Variants in SPOCK1 observed in about 807,000 individuals in gnomAD.
The protein encoded by SPOCK1 is testican-1.
In SPOCK1, 23 loss-of-function variants were observed where a neutral mutation model predicts 55.3. The observed-to-expected ratio is 0.42, with a 90% CI of 0.30 to 0.59. The LOEUF (loss-of-function observed/expected upper bound fraction) is 0.59. SPOCK1 is among the 20% of genes least tolerant of loss of function. The probability of loss-of-function intolerance (pLI) is 0.22; values close to 1 mark genes in which losing one functional copy is unlikely to be tolerated. For missense variants in SPOCK1, 499 were observed against 552.5 expected (o/e 0.90, Z 0.97); for synonymous variants, 226 against 221.0 (o/e 1.02, Z -0.20).
At chr5:136,988,347 T>C in intron 8 of SPOCK1, 75 bp downstream of exon 8, 3 of 1,171,504 alleles carry the variant, frequency 2.6e-6, no homozygotes, top group Non-Finnish European at 3.7e-6. Flanking sequence ...GCCCAATTCA[T>C]AGTCATACGC....
rs142758797 is a variant in SPOCK1 at position 137,011,983 on chromosome 5, T to C, written c.590-19383A>G. ...ACACCTACTCTTGCCAATACCCATG[T>C]TAGCACTTTGCCTTCATTTATTTCT... On this transcript the variant is annotated intron_variant, in intron 6 of 10. Coordinates refer to ENST00000394945, the MANE Select transcript of SPOCK1 (RefSeq NM_004598.4). Among the ~76,000 whole-genome samples, 11 of 152,316 alleles carry C rather than the reference T, an allele frequency of 7.2e-5. 1 individual carries two copies. The East Asian group carries it at 2.1e-3, about 29-fold the overall frequency.
chr5:137,356,976 C>T (rs1163775802), intron 2 of SPOCK1, among the ~76,000 whole-genome samples: 1 of 150,192 alleles, frequency 6.7e-6, no homozygotes, highest in Non-Finnish European at 1.5e-5. Flanking sequence ...AGGGCACCTT[C>T]TTTACAGGAG....
At chr5:137,492,073 A>G (rs995104841) in intron 2 of SPOCK1, among the ~76,000 whole-genome samples, 14 of 152,202 alleles carry the variant, frequency 9.2e-5, no homozygotes, top group Admixed American at 4.6e-4. Flanking sequence ...ACATCTGCCC[A>G]TCAGGCATCC....
chr5:137,258,729 T>C (rs1756686994), intron 3 of SPOCK1, among the ~76,000 whole-genome samples: 1 of 152,206 alleles, frequency 6.6e-6, no homozygotes, highest in South Asian at 2.1e-4. Flanking sequence ...GGAAAGGTAA[T>C]AAACATGTCT....
chr5:137,134,417 A>C lies in SPOCK1; in HGVS notation c.347+6163T>G, dbSNP rs142488153. On this transcript the variant is annotated intron_variant, in intron 4 of 10. Coordinates refer to ENST00000394945, the MANE Select transcript of SPOCK1 (RefSeq NM_004598.4). ...AGGGAAACCCAAAACTCCATGCATT[A>C]ATTCCACAATCAGTGTAGGAATATA... Among the ~76,000 whole-genome samples the C allele has an allele frequency of 1.5e-3, 225 of 152,322 alleles. 1 individual carries two copies. The highest frequency in any genetic ancestry group is 4.3e-3 in the African/African-American group (178 of 41,552).
At chr5:137,410,323 C>T (rs1266529878) in intron 2 of SPOCK1, among the ~76,000 whole-genome samples, 1 of 152,178 alleles carries the variant, frequency 6.6e-6, no homozygotes, top group Non-Finnish European at 1.5e-5. Context: ...TATCATTTGA[C>T]TTGTTCCTGA....
chr5:137,402,435 C>A (rs1752002817), intron 2 of SPOCK1, among the ~76,000 whole-genome samples: 1 of 152,190 alleles, frequency 6.6e-6, no homozygotes, highest in African/African-American at 2.4e-5. Flanking sequence ...TTATTGACAA[C>A]CATTTGGAGT....
At position 137,346,816 on chromosome 5, in the gene SPOCK1, C is replaced by T. The variant is rs149733023; in HGVS notation, c.187-79761G>A. ...AACAAAAACGTGCAATACGTGAGCC[C>T]TGTCTTCAAAAAACTGATGATCTGA... is the stretch of plus-strand genomic sequence containing the variant. On this transcript the variant is annotated intron_variant, in intron 2 of 10. Transcript: ENST00000394945. Among the ~76,000 whole-genome samples, 165 of 152,300 alleles carry T rather than the reference C, an allele frequency of 1.1e-3. 4 individuals carry two copies. The highest frequency in any genetic ancestry group is 0.01 in the Middle Eastern group (3 of 294).
At chr5:137,094,956 C>T (rs944747527) in intron 5 of SPOCK1, among the ~76,000 whole-genome samples, 4 of 152,304 alleles carry the variant, frequency 2.6e-5, no homozygotes, top group Non-Finnish European at 5.9e-5. Context: ...CTCTTCCTTT[C>T]GCCTGAACAC....
rs899318453 is a variant in SPOCK1 at position 137,051,217 on chromosome 5, A to G, written c.589+16498T>C. On this transcript the variant is annotated intron_variant, in intron 6 of 10. Coordinates refer to ENST00000394945, the MANE Select transcript of SPOCK1 (RefSeq NM_004598.4). ...TTTCAGTTTTCCTATTATACCCCAA[A>G]AAGTATGAGACTGATTATTAGTAGT... is the stretch of plus-strand genomic sequence containing the variant. 7.2e-5 allele frequency among the ~76,000 whole-genome samples: 11 copies of G among 152,348 alleles called. No individual in the cohort carries two copies. In the East Asian group the frequency reaches 1.7e-3, roughly 24 times the overall value.
At chr5:137,158,612 C>G (rs183921691) in intron 3 of SPOCK1, among the ~76,000 whole-genome samples, 7 of 152,240 alleles carry the variant, frequency 4.6e-5, no homozygotes, top group Admixed American at 2.0e-4. Flanking sequence ...CCACAGAAAG[C>G]TGCTCCCTGG....
At chr5:137,088,025 T>C (rs1752990457) in intron 5 of SPOCK1, among the ~76,000 whole-genome samples, 1 of 152,294 alleles carries the variant, frequency 6.6e-6, no homozygotes, top group Non-Finnish European at 1.5e-5. Context: ...TTGGTTGCAG[T>C]CTGTGCTTAG....
chr5:137,157,678 C>T (rs567999330), intron 3 of SPOCK1, among the ~76,000 whole-genome samples: 65 of 152,304 alleles, frequency 4.3e-4, no homozygotes, highest in African/African-American at 1.5e-3. Context: ...TCCCCAGGCA[C>T]TAACCTCTGA....
At chr5:137,225,525 C>G (rs1297941295) in intron 3 of SPOCK1, among the ~76,000 whole-genome samples, 1 of 152,170 alleles carries the variant, frequency 6.6e-6, no homozygotes, top group Non-Finnish European at 1.5e-5. Flanking sequence ...ACAGAACCTT[C>G]CCTAAATGGA....
chr5:137,298,689 A>G (rs886469032), intron 2 of SPOCK1, among the ~76,000 whole-genome samples: 3 of 152,168 alleles, frequency 2.0e-5, no homozygotes, highest in African/African-American at 7.2e-5. Context: ...GTACATACAT[A>G]TTGATGACTG....
chr5:137,177,958 T>C (rs1452400603), intron 3 of SPOCK1, among the ~76,000 whole-genome samples: 5 of 151,984 alleles, frequency 3.3e-5, no homozygotes, highest in Non-Finnish European at 7.4e-5. Context: ...ACAAGGGAAA[T>C]GGAAGGACCT....
intron 3 of SPOCK1, among the ~76,000 whole-genome samples, chr5:137,214,025 C>T (rs1279549573): frequency 6.6e-6 from 1 of 152,172 alleles, no homozygotes; most frequent in Non-Finnish European, 1.5e-5. Context: ...AACTCAAGTG[C>T]AACGGCCTTT....
chr5:137,064,482 C>A (rs1322894171), intron 6 of SPOCK1, among the ~76,000 whole-genome samples: 1 of 152,178 alleles, frequency 6.6e-6, no homozygotes, highest in East Asian at 1.9e-4. Flanking sequence ...ACAGCTCCTC[C>A]TACGGTCCAG....
chr5:137,039,608 C>T (rs185755705), intron 6 of SPOCK1, among the ~76,000 whole-genome samples: 5 of 152,220 alleles, frequency 3.3e-5, no homozygotes, highest in African/African-American at 4.8e-5. Flanking sequence ...ACAGGTCCCA[C>T]GCCCCCATGG....
Sources: gnomAD v4.1 joint callset for allele counts (sites outside exome capture counted in the v4.1 genomes callset) on GRCh38, gnomAD v4.1.1 for gene constraint, MANE v1.5 for transcripts, NCBI Gene and HGNC (gene_info 2026-07-23, HGNC 2026-07-21) for gene names.